PCNX1: variants seen among roughly 807,000 people sequenced by gnomAD.
The protein encoded by PCNX1 is pecanex-like protein 1.
A neutral mutation model predicts 242.2 loss-of-function variants in PCNX1; 78 were observed. The observed-to-expected ratio is 0.32, with a 90% CI of 0.27 to 0.39. The LOEUF is 0.39. PCNX1 is among the 10% of genes least tolerant of loss of function. PCNX1 has a pLI of 1.00. For missense variants in PCNX1, 2,581 were observed against 2,856.5 expected, an observed-to-expected ratio of 0.90 and a Z score of 2.20; for synonymous variants, 1,024 against 1,032.9, an observed-to-expected ratio of 0.99 and a Z score of 0.17.
chr14:71,077,296 G>A (rs1049308033), intron 28 of PCNX1, among the ~76,000 whole-genome samples: 1 of 152,196 alleles, frequency 6.6e-6, no homozygotes, highest in African/African-American at 2.4e-5. Flanking sequence ...TGATTACAAA[G>A]CTAATTCCTA....
intron 7 of PCNX1, among the ~76,000 whole-genome samples, chr14:70,990,067 A>G (rs2059118517): frequency 6.6e-6 from 1 of 152,192 alleles, no homozygotes; most frequent in South Asian, 2.1e-4. Context: ...CAAAACAAGC[A>G]AAATCCTTGT....
At chr14:70,996,546 A>G (rs911295708) in intron 8 of PCNX1, among the ~76,000 whole-genome samples, 4 of 152,158 alleles carry the variant, frequency 2.6e-5, no homozygotes, top group African/African-American at 9.6e-5. Flanking sequence ...ATATCATTAA[A>G]CATCAGTGAT....
chr14:70,945,906 G>A (rs1450685978), intron 1 of PCNX1, among the ~76,000 whole-genome samples: 2 of 152,186 alleles, frequency 1.3e-5, no homozygotes, highest in African/African-American at 4.8e-5. Flanking sequence ...GAAAACATGT[G>A]GGATCTAGAG....
At chr14:71,047,287 A>G (rs1407363785) in intron 21 of PCNX1, among the ~76,000 whole-genome samples, 182 bp downstream of exon 21, 1 of 152,132 alleles carries the variant, frequency 6.6e-6, no homozygotes, top group Non-Finnish European at 1.5e-5. Flanking sequence ...CTGTTGGCAT[A>G]TTCTGTACTC....
At chr14:71,045,663 A>G (rs898099374) in intron 20 of PCNX1, among the ~76,000 whole-genome samples, 11 of 152,160 alleles carry the variant, frequency 7.2e-5, no homozygotes, top group Admixed American at 7.2e-4. Context: ...TCTCTATTTG[A>G]AATAGTTTTA....
At chr14:70,944,831 A>G (rs1383619272) in intron 1 of PCNX1, among the ~76,000 whole-genome samples, 1 of 152,150 alleles carries the variant, frequency 6.6e-6, no homozygotes, top group Non-Finnish European at 1.5e-5. Flanking sequence ...ATGAGAACTG[A>G]TGGTTTTATA....
At chr14:70,975,568 A>G (rs946378196) in intron 5 of PCNX1, among the ~76,000 whole-genome samples, 1 of 152,182 alleles carries the variant, frequency 6.6e-6, no homozygotes, top group Non-Finnish European at 1.5e-5. Context: ...TTGAGATTCT[A>G]CTGGGAAGAC....
At chr14:70,975,815 T>C (rs955404834) in intron 5 of PCNX1, among the ~76,000 whole-genome samples, 4 of 151,824 alleles carry the variant, frequency 2.6e-5, no homozygotes, top group Non-Finnish European at 5.9e-5. Flanking sequence ...ATATCTAGTA[T>C]GTATGATAAG....
intron 30 of PCNX1, among the ~76,000 whole-genome samples, chr14:71,091,810 T>C (rs572476408): frequency 6.6e-6 from 1 of 152,356 alleles, no homozygotes; most frequent in African/African-American, 2.4e-5. Flanking sequence ...TAATATTATA[T>C]ACTACAGTAA....
intron 28 of PCNX1, among the ~76,000 whole-genome samples, chr14:71,079,876 T>C (rs1045851601): frequency 6.6e-6 from 1 of 152,234 alleles, no homozygotes; most frequent in Non-Finnish European, 1.5e-5. Flanking sequence ...TTTAGTTTAA[T>C]TAGATCCCAT....
At chr14:70,962,626 T>G (rs2058257332) in intron 3 of PCNX1, among the ~76,000 whole-genome samples, 1 of 152,208 alleles carries the variant, frequency 6.6e-6, no homozygotes, top group Admixed American at 6.5e-5. Flanking sequence ...TCACATCATG[T>G]GTATTAGAGA....
chr14:70,940,410 T>C (rs1297565392), intron 1 of PCNX1, among the ~76,000 whole-genome samples: 1 of 152,196 alleles, frequency 6.6e-6, no homozygotes, highest in Non-Finnish European at 1.5e-5. Flanking sequence ...GGATATGAAA[T>C]TCTGGGTTGA....
At chr14:71,054,482 A>G (rs2061127077) in intron 24 of PCNX1, among the ~76,000 whole-genome samples, 1 of 152,144 alleles carries the variant, frequency 6.6e-6, no homozygotes, top group South Asian at 2.1e-4. Flanking sequence ...CCAAATTTTA[A>G]TTTTTGCTTG....
At chr14:71,053,254 C>T (rs764642314) in intron 24 of PCNX1, 3 of 452,910 alleles carry the variant, frequency 6.6e-6, no homozygotes, top group South Asian at 3.1e-5. Context: ...CCCCTTTATA[C>T]TCTTTTTTTT....
intron 26 of PCNX1, among the ~76,000 whole-genome samples, chr14:71,068,388 ATATT>A (rs1357347825): frequency 9.3e-5 from 14 of 150,170 alleles, no homozygotes; most frequent in African/African-American, 3.4e-4. Context: ...ATATGTGTGT[ATATT>A]TATGTATACG....
chr14:71,011,451 TCTG>T (rs2059818718), intron 9 of PCNX1, 38 bp from the exon 10 acceptor site: 7 of 1,106,154 alleles, frequency 6.3e-6, no homozygotes, highest in Non-Finnish European at 9.6e-6. Context: ...TATTTTTCTT[TCTG>T]CTTGACAAAC....
At chr14:70,930,707 GTA>G (rs1046064172) in intron 1 of PCNX1, among the ~76,000 whole-genome samples, 1 of 152,098 alleles carries the variant, frequency 6.6e-6, no homozygotes, top group African/African-American at 2.4e-5. Context: ...CTGTGAGTTT[GTA>G]CACAGGTTCC....
rs7160982 is a variant in PCNX1 at position 70,975,885 on chromosome 14, A to G, written c.605-1057A>G. ...AGTGGTCTTACAGATACAAGAAGGT[A>G]AGTATTTTTTTCATGAAGTATTTTT... On this transcript the variant is annotated intron_variant, in intron 5 of 35. Coordinates refer to ENST00000304743, the MANE Select transcript of PCNX1 (RefSeq NM_014982.3). Among the ~76,000 whole-genome samples the G allele has an allele frequency of 8.6e-3, 1,313 of 152,096 alleles. 25 individuals carry two copies. The highest frequency in any genetic ancestry group is 0.03 in the African/African-American group (1,238 of 41,476).
At chr14:71,106,233 T>C (rs1232213149) in intron 33 of PCNX1, among the ~76,000 whole-genome samples, 1 of 151,942 alleles carries the variant, frequency 6.6e-6, no homozygotes, top group East Asian at 1.9e-4. Flanking sequence ...TTAGCCAGAA[T>C]GGTCTCGATC....
Sources: gnomAD v4.1 joint callset for allele counts (sites outside exome capture counted in the v4.1 genomes callset) on GRCh38, gnomAD v4.1.1 for gene constraint, MANE v1.5 for transcripts, NCBI Gene and HGNC (gene_info 2026-07-23, HGNC 2026-07-21) for gene names.